The following ATP11A variants were observed in gnomAD, a reference collection of about 807,000 sequenced individuals.
ATP11A encodes phospholipid-transporting ATPase IH.
A neutral mutation model predicts 154.4 loss-of-function variants in ATP11A; 81 were observed. The observed-to-expected ratio is 0.52, with a 90% CI of 0.44 to 0.63. The LOEUF is 0.63. Ranked by LOEUF, ATP11A falls within the 30% of genes least tolerant of loss-of-function variation. The pLI is 0.00. For synonymous variants in ATP11A, 623 were observed against 585.9 expected, an observed-to-expected ratio of 1.06 and a Z score of -0.91; for missense variants, 1,316 against 1,474.3, an observed-to-expected ratio of 0.89 and a Z score of 1.76.
intron 10 of ATP11A, among the ~76,000 whole-genome samples, chr13:112,825,006 C>G (rs368655464): frequency 2.0e-4 from 30 of 152,198 alleles, no homozygotes; most frequent in African/African-American, 7.2e-4. Flanking sequence ...CCCCTCCTTT[C>G]CTCCCTCCCT....
chr13:112,715,429 T>C (rs796415379), intron 1 of ATP11A, among the ~76,000 whole-genome samples: 40 of 1,124 alleles, frequency 0.036, no homozygotes, highest in East Asian at 0.071. Flanking sequence ...CTGGCCCACC[T>C]CCCCACACCT....
chr13:112,693,353 CGTGGGGTAGTGTATGTGCT>C (rs1393575181), intron 1 of ATP11A, among the ~76,000 whole-genome samples: 9 of 150,198 alleles, frequency 6.0e-5, no homozygotes, highest in South Asian at 2.1e-4. Context: ...GCGTGTGTGC[CGTGGGGTAGTGTATGTGCT>C]GTGGGGTAGT....
At chr13:112,869,702 G>A (rs925866586) in intron 25 of ATP11A, among the ~76,000 whole-genome samples, 1 of 152,252 alleles carries the variant, frequency 6.6e-6, no homozygotes, top group Non-Finnish European at 1.5e-5. Context: ...CTCAGCTGCT[G>A]TGGAGGCACC....
chr13:112,872,042 G>C (rs1308629696), intron 26 of ATP11A, among the ~76,000 whole-genome samples: 1 of 152,198 alleles, frequency 6.6e-6, no homozygotes, highest in East Asian at 1.9e-4. Context: ...TACACCGGAG[G>C]TAACCTCGGG....
chr13:112,876,175 T>C (rs956433580), intron 28 of ATP11A: 2 of 387,882 alleles, frequency 5.2e-6, no homozygotes, highest in Admixed American at 4.4e-5. Context: ...GAGACACAAA[T>C]AAGAGAAAAA....
At chr13:112,864,899 C>T (rs2140382395) in intron 25 of ATP11A, among the ~76,000 whole-genome samples, 2 of 85,718 alleles carry the variant, frequency 2.3e-5, no homozygotes, top group Admixed American at 1.4e-4. Flanking sequence ...GCGCAGCTTC[C>T]CAGCGGGGTC....
At position 112,838,597 on chromosome 13, in the gene ATP11A, C is replaced by T. The variant is rs1244052631; in HGVS notation, c.1705+2346C>T. ...GCCCAAGACCTCAGGGCATTGTGGG[C>T]TATGCCGTGGAATCTTTGTAAATAA... On this transcript the variant is annotated intron_variant, in intron 16 of 29. Coordinates refer to ENST00000375645, the MANE Select transcript of ATP11A (RefSeq NM_015205.3). The surrounding 1 kb of genome is among the most constrained non-coding windows in gnomAD (Gnocchi z 7.3). Among the ~76,000 whole-genome samples, 1 of 152,194 alleles carries T rather than the reference C, an allele frequency of 6.6e-6. No individual in the cohort carries two copies. Among genetic ancestry groups the T allele is most frequent in the East Asian group, 1.9e-4 (1 of 5,188 alleles).
chr13:112,818,182 CGTCGGTGCGCTTGGTGACGGGCAGTGACT>C (rs2078696449), intron 6 of ATP11A, among the ~76,000 whole-genome samples: 2 of 147,552 alleles, frequency 1.4e-5, no homozygotes, highest in Admixed American at 6.7e-5. Flanking sequence ...GGGCGGTGAC[CGTCGGTGCGCTTGGTGACGGGCAGTGACT>C]GTTGGTGCGC....
chr13:112,742,666 T>A (rs960047602), intron 1 of ATP11A, among the ~76,000 whole-genome samples: 3 of 152,240 alleles, frequency 2.0e-5, no homozygotes, highest in Non-Finnish European at 4.4e-5. Flanking sequence ...AGTCTCAGCC[T>A]GCTCCATTTT....
intron 29 of ATP11A, among the ~76,000 whole-genome samples, chr13:112,879,025 G>A (rs547814516): frequency 3.9e-5 from 6 of 152,280 alleles, no homozygotes; most frequent in South Asian, 4.1e-4. Flanking sequence ...GCGTTCACAC[G>A]CCATTTTTCT....
At chr13:112,787,253 G>A (rs1452849513) in intron 2 of ATP11A, among the ~76,000 whole-genome samples, 1 of 124,526 alleles carries the variant, frequency 8.0e-6, no homozygotes, top group African/African-American at 4.1e-5. Context: ...ATTCACACCG[G>A]GTGTCCTGAT....
chr13:112,832,319 C>A (rs906327009), intron 13 of ATP11A, among the ~76,000 whole-genome samples: 1 of 152,216 alleles, frequency 6.6e-6, no homozygotes, highest in Non-Finnish European at 1.5e-5. Context: ...TTCCTAAACG[C>A]TGATTCTGCA....
rs903879602 is a variant in ATP11A, at chr13:112,874,453, G to A, written c.3161+777G>A. On this transcript the variant is annotated intron_variant, in intron 27 of 29. Coordinates refer to ENST00000375645, the MANE Select transcript of ATP11A (RefSeq NM_015205.3). The stretch of plus-strand genomic sequence containing the variant: ...TGGTGAGAGCGACATAGGCAGGGTG[G>A]TCAGTCTAGAGACTGTCGCTGTAAG... Among the ~76,000 whole-genome samples, 5 of 152,304 alleles carry A rather than the reference G, an allele frequency of 3.3e-5. No individual in the cohort carries two copies. The East Asian group carries it at 5.8e-4, about 18-fold the overall frequency.
intron 17 of ATP11A, among the ~76,000 whole-genome samples, chr13:112,843,451 C>T (rs898030778): frequency 2.0e-5 from 3 of 152,180 alleles, no homozygotes; most frequent in African/African-American, 4.8e-5. Context: ...GGCAGCACCT[C>T]CTCTCACACC....
intron 2 of ATP11A, among the ~76,000 whole-genome samples, chr13:112,792,992 T>C (rs1451471640): frequency 2.0e-5 from 3 of 152,230 alleles, no homozygotes; most frequent in Non-Finnish European, 2.9e-5. Context: ...AGCCAGTGTT[T>C]TCATGACTTC....
chr13:112,832,767 C>A (rs1394220106), intron 13 of ATP11A, 93 bp from the exon 14 acceptor site: 18 of 1,482,620 alleles, frequency 1.2e-5, no homozygotes, highest in African/African-American at 5.6e-5. Context: ...GGACCCCCCC[C>A]ACCCCGCTTC....
At chr13:112,777,133 C>CA (rs2077368805) in intron 1 of ATP11A, among the ~76,000 whole-genome samples, 1 of 151,708 alleles carries the variant, frequency 6.6e-6, no homozygotes, top group Non-Finnish European at 1.5e-5. Flanking sequence ...GGGCACCTGT[C>CA]AGAAAGCCAC....
At chr13:112,868,017 G>C (rs1436835356) in intron 25 of ATP11A, among the ~76,000 whole-genome samples, 1 of 152,172 alleles carries the variant, frequency 6.6e-6, no homozygotes, top group African/African-American at 2.4e-5. Context: ...TAGAATTATG[G>C]ACATCTCTTT....
intron 1 of ATP11A, among the ~76,000 whole-genome samples, chr13:112,730,402 G>A (rs538702590): frequency 5.3e-5 from 8 of 152,366 alleles, no homozygotes; most frequent in Non-Finnish European, 1.2e-4. Flanking sequence ...TGTTCTCAAA[G>A]AGCCAGCTGA....
Sources: allele counts gnomAD v4.1 joint callset (sites outside exome capture counted in the v4.1 genomes callset), GRCh38; gene constraint gnomAD v4.1.1; non-coding constraint Gnocchi (gnomAD v3.1); transcripts MANE v1.5; gene names NCBI Gene and HGNC (gene_info 2026-07-23, HGNC 2026-07-21).